Variants in VTCN1 observed in about 807,000 individuals in gnomAD.
VTCN1 encodes the protein V-set domain containing T cell activation inhibitor 1.
In VTCN1, 26 loss-of-function variants were observed where a neutral mutation model predicts 26.5. That is an observed-to-expected ratio of 0.98 (90% confidence interval 0.72 to 1.36). The LOEUF is 1.36. Ranked by LOEUF, VTCN1 falls within the 40% of genes most tolerant of loss-of-function variation. The pLI is 0.00. For missense variants in VTCN1, 298 were observed against 337.7 expected, an observed-to-expected ratio of 0.88 and a Z score of 0.92; for synonymous variants, 116 against 130.7, an observed-to-expected ratio of 0.89 and a Z score of 0.77.
rs1651565357 is a variant in VTCN1, at chr1:117,147,432, G to A, written c.*45+181C>T. On this transcript the variant is annotated intron_variant, in intron 5 of 5. Coordinates refer to ENST00000369458, the MANE Select transcript of VTCN1 (RefSeq NM_024626.4). The surrounding 1 kb of genome is among the most constrained non-coding windows in gnomAD (Gnocchi z 4.6). Reference sequence around the variant, plus strand: ...TTTTTCCTATGGGTCTGTCAATGAAGTCTATGCTGTTTGCTGACCTAACAA... The same window carrying A: ...TTTTTCCTATGGGTCTGTCAATGAAATCTATGCTGTTTGCTGACCTAACAA... 6.6e-6 allele frequency among the ~76,000 whole-genome samples: 1 copy of A among 152,176 alleles called. No individual in the cohort carries two copies. Among genetic ancestry groups the A allele is most frequent in the South Asian group, 2.1e-4 (1 of 4,826 alleles).
chr1:117,177,895 G>A (rs1647443727), intron 1 of VTCN1, among the ~76,000 whole-genome samples: 2 of 151,190 alleles, frequency 1.3e-5, no homozygotes, highest in Non-Finnish European at 2.9e-5. Flanking sequence ...AGGGAAGAGT[G>A]CCACCACTAA....
At chr1:117,194,129 A>T (rs773796983) in intron 1 of VTCN1, among the ~76,000 whole-genome samples, 34 of 152,336 alleles carry the variant, frequency 2.2e-4, no homozygotes, top group South Asian at 4.1e-4. Flanking sequence ...TCTGATAAGG[A>T]GTTAATGTCA....
At position 117,153,307 on chromosome 1, in the gene VTCN1, C is replaced by T. The variant is rs1434399946; in HGVS notation, c.508G>A (p.Ala170Thr). The change falls in exon 4 of 6, where the codon GCT (alanine) becomes ACT (threonine). Residue 170 changes from alanine to threonine, a missense_variant. By Grantham distance (58) the Ala-to-Thr change is moderately conservative. Transcript: ENST00000369458. Reference sequence around the variant, plus strand: ...GTGGGCTGGGGGAACCATCGGGGAGCCTCACACCGCAAGGTCTCTGAGCTG... The same window carrying T: ...GTGGGCTGGGGGAACCATCGGGGAGTCTCACACCGCAAGGTCTCTGAGCTG... ...NASSETLRCE[A>T]PRWFPQPTVV... is the part of the protein sequence containing the mutation. 4 of 1,613,920 alleles carry T rather than the reference C, an allele frequency of 2.5e-6. No homozygotes were observed. The East Asian group carries it at 6.7e-5, about 27-fold the overall frequency.
intron 1 of VTCN1, 87 bp downstream of exon 1, chr1:117,210,737 G>A (rs1040964206): frequency 6.3e-6 from 9 of 1,435,866 alleles, no homozygotes; most frequent in Middle Eastern, 1.8e-4. Context: ...GGGGTCCTAT[G>A]GGACAGCCCA....
Position 117,175,466 on chromosome 1 carries a change from GC to G in VTCN1, c.33-5296del, listed in dbSNP as rs2101537621. On this transcript the variant is annotated intron_variant, in intron 1 of 5. Coordinates refer to ENST00000369458, the MANE Select transcript of VTCN1 (RefSeq NM_024626.4). This position sits in a 1 kb window ranked among gnomAD's most constrained non-coding sequence, Gnocchi z 4.2. ...TAGGATGTACTTCTCTGGAGAGGGA[GC>G]CCCGTGTGCAGATGTTCATTCAAAA... is the stretch of plus-strand genomic sequence containing the variant. Among the ~76,000 whole-genome samples the G allele has an allele frequency of 6.6e-6, 1 of 152,324 alleles. No homozygotes were observed. The highest frequency in any genetic ancestry group is 2.1e-4 in the South Asian group (1 of 4,824).
rs1332680520 is a variant in VTCN1 at position 117,147,629 on chromosome 1, T to C, written c.*29A>G. The C allele has an allele frequency of 6.2e-7, 1 of 1,609,924 alleles. No homozygotes were observed. The highest frequency in any genetic ancestry group is 1.7e-5 in the Admixed American group (1 of 58,822). On this transcript the variant is annotated 3_prime_UTR_variant, in exon 5 of 6. Transcript: ENST00000369458. This position sits in a 1 kb window ranked among gnomAD's most constrained non-coding sequence, Gnocchi z 4.6. ...TAATCTCACCTGTTGTAACAATGAC[T>C]TTGCATGCTTTTTTGTGGCCGAGGC... is the stretch of plus-strand genomic sequence containing the variant.
rs751991116 is a variant in VTCN1, at chr1:117,159,085, C to T, written c.98-2164G>A. ...AAGTTTCAAAATTTCCCACATTTTC[C>T]TGTCTTCTTCTGAGCTCTCCAAACT... On this transcript the variant is annotated intron_variant, in intron 2 of 5. Transcript: ENST00000369458. This position sits in a 1 kb window ranked among gnomAD's most constrained non-coding sequence, Gnocchi z 4.7. Among the ~76,000 whole-genome samples, 1 of 152,164 alleles carries T rather than the reference C, an allele frequency of 6.6e-6. No homozygotes were observed. The highest frequency in any genetic ancestry group is 1.5e-5 in the Non-Finnish European group (1 of 68,028).
intron 1 of VTCN1, among the ~76,000 whole-genome samples, chr1:117,178,439 G>T (rs1231377846): frequency 6.6e-6 from 1 of 151,084 alleles, no homozygotes; most frequent in Non-Finnish European, 1.5e-5. Flanking sequence ...TGTATTTTTA[G>T]TAGAGATGGG....
intron 1 of VTCN1, 46 bp downstream of exon 1, chr1:117,210,778 T>A (rs1471218488): frequency 3.7e-6 from 6 of 1,605,740 alleles, no homozygotes; most frequent in Non-Finnish European, 5.1e-6. Context: ...AAGACCTCAC[T>A]GCTGTTCCCT....
chr1:117,175,855 C>G lies in VTCN1; in HGVS notation c.33-5684G>C, dbSNP rs1647316458. Among the ~76,000 whole-genome samples, 1 of 151,314 alleles carries G rather than the reference C, an allele frequency of 6.6e-6. No individual in the cohort carries two copies. Among genetic ancestry groups the G allele is most frequent in the African/African-American group, 2.4e-5 (1 of 41,006 alleles). On this transcript the variant is annotated intron_variant, in intron 1 of 5. Coordinates refer to ENST00000369458, the MANE Select transcript of VTCN1 (RefSeq NM_024626.4). This position sits in a 1 kb window ranked among gnomAD's most constrained non-coding sequence, Gnocchi z 4.2. ...GCATGATCTCAGTTCACTGCAACCT[C>G]CGCCTCCCAGGTTCAAGCGATTCTC...
chr1:117,169,429 A>G lies in VTCN1; in HGVS notation c.97+678T>C, dbSNP rs905070178. Among the ~76,000 whole-genome samples, 2 of 152,344 alleles carry G rather than the reference A, an allele frequency of 1.3e-5. No individual in the cohort carries two copies. Among genetic ancestry groups the G allele is most frequent in the Admixed American group, 6.5e-5 (1 of 15,304 alleles). Reference sequence around the variant, plus strand: ...ACACTTCAGCTGAAGCTTCGTTGCAAAGAAATCATCTACCCAGGCCAACCG... The same window carrying G: ...ACACTTCAGCTGAAGCTTCGTTGCAGAGAAATCATCTACCCAGGCCAACCG... On this transcript the variant is annotated intron_variant, in intron 2 of 5. Transcript: ENST00000369458. The surrounding 1 kb of genome is among the most constrained non-coding windows in gnomAD (Gnocchi z 4.0).
chr1:117,174,478 A>G (rs1653091283), intron 1 of VTCN1, among the ~76,000 whole-genome samples: 1 of 152,184 alleles, frequency 6.6e-6, no homozygotes, highest in Non-Finnish European at 1.5e-5. Flanking sequence ...TAGTAAAGAA[A>G]TGAACAGGCC....
At chr1:117,191,012 C>T (rs1306160109) in intron 1 of VTCN1, among the ~76,000 whole-genome samples, 3 of 151,912 alleles carry the variant, frequency 2.0e-5, no homozygotes, top group Admixed American at 2.0e-4. Flanking sequence ...CACAGACAGA[C>T]CATTAAACAA....
Position 117,147,546 on chromosome 1 carries a change from C to T in VTCN1, c.*45+67G>A. On this transcript the variant is annotated intron_variant, in intron 5 of 5. Transcript: ENST00000369458. The surrounding 1 kb of genome is among the most constrained non-coding windows in gnomAD (Gnocchi z 4.6). Reference sequence around the variant, plus strand: ...TTCTGTGGCTGATGCTGAAGGCTATCCGACTCTCATTAGGAGCACAAGCAC... The same window carrying T: ...TTCTGTGGCTGATGCTGAAGGCTATTCGACTCTCATTAGGAGCACAAGCAC... 7.4e-7 allele frequency: 1 copy of T among 1,354,056 alleles called. No homozygotes were observed. Among genetic ancestry groups the T allele is most frequent in the Non-Finnish European group, 1.0e-6 (1 of 1,000,212 alleles). The allele number at this position is 1,354,056 out of a possible 1,614,324, so 83.9% of individuals were successfully genotyped here.
intron 1 of VTCN1, among the ~76,000 whole-genome samples, chr1:117,187,123 C>A (rs1010874920): frequency 1.1e-4 from 16 of 151,866 alleles, no homozygotes; most frequent in Non-Finnish European, 1.3e-4. Context: ...CCTGCCTCAG[C>A]AACAAGGTGA....
rs1251766407 is a variant in VTCN1, at chr1:117,161,465, C to A, written c.98-4544G>T. ...TTCCTGTAACTTTTTGTCTTTTTGGCCTTTATTATAGCAGCTGTCTCCCTC... is the reference window on the plus strand; with the variant it reads ...TTCCTGTAACTTTTTGTCTTTTTGGACTTTATTATAGCAGCTGTCTCCCTC... On this transcript the variant is annotated intron_variant, in intron 2 of 5. Coordinates refer to ENST00000369458, the MANE Select transcript of VTCN1 (RefSeq NM_024626.4). This position sits in a 1 kb window ranked among gnomAD's most constrained non-coding sequence, Gnocchi z 4.3. Among the ~76,000 whole-genome samples the A allele has an allele frequency of 6.6e-6, 1 of 152,128 alleles. No homozygotes were observed. Among genetic ancestry groups the A allele is most frequent in the Non-Finnish European group, 1.5e-5 (1 of 68,010 alleles).
chr1:117,202,965 T>A (rs541758238), intron 1 of VTCN1, among the ~76,000 whole-genome samples: 1 of 152,014 alleles, frequency 6.6e-6, no homozygotes, highest in African/African-American at 2.4e-5. Context: ...GATACACGGG[T>A]TGCATGCTGA....
Position 117,145,079 on chromosome 1 carries a change from A to G in VTCN1, c.*192T>C, listed in dbSNP as rs1477037799. On this transcript the variant is annotated 3_prime_UTR_variant, in exon 6 of 6. Coordinates refer to ENST00000369458, the MANE Select transcript of VTCN1 (RefSeq NM_024626.4). This position sits in a 1 kb window ranked among gnomAD's most constrained non-coding sequence, Gnocchi z 4.6. ...CTAATATGTCTTTGAAGATAGATTT[A>G]TCTTGTTCATATTGGAGCCTTCTGC... 1 of 152,624 alleles carries G rather than the reference A, an allele frequency of 6.6e-6. No homozygotes were observed. The highest frequency in any genetic ancestry group is 1.5e-5 in the Non-Finnish European group (1 of 68,056). 9.5% of individuals were successfully genotyped at this position (152,624 alleles called of 1,614,324 possible). A position where few individuals can be genotyped will look rare whatever the true frequency, so the allele number is the denominator to read the frequency against.
intron 2 of VTCN1, among the ~76,000 whole-genome samples, chr1:117,165,855 T>C (rs7524748): frequency 0.24 from 36,478 of 152,232 alleles, 9,076 homozygotes; most frequent in African/African-American, 0.64. Flanking sequence ...AACCAGCTAA[T>C]ATTTTATTGA....
Sources: gnomAD v4.1 joint callset for allele counts (sites outside exome capture counted in the v4.1 genomes callset) on GRCh38, gnomAD v4.1.1 for gene constraint, Gnocchi (gnomAD v3.1) non-coding constraint, MANE v1.5 for transcripts, NCBI Gene and HGNC (gene_info 2026-07-23, HGNC 2026-07-21) for gene names.